Variants in SLC4A4 observed in about 807,000 individuals in gnomAD.
The protein encoded by SLC4A4 is electrogenic sodium bicarbonate cotransporter 1.
SLC4A4 carries 27 observed loss-of-function variants against 111.5 expected under a neutral mutation model. That is an observed-to-expected ratio of 0.24 (90% CI 0.18 to 0.33). SLC4A4 has a LOEUF of 0.33. SLC4A4 is among the 10% of genes least tolerant of loss of function. The probability of loss-of-function intolerance (pLI) is 1.00; values close to 1 mark genes in which losing one functional copy is unlikely to be tolerated. For missense variants in SLC4A4, 909 were observed against 1,315.5 expected (o/e 0.69, Z 4.78); for synonymous variants, 443 against 463.4 (o/e 0.96, Z 0.57).
At chr4:71,555,681 G>A (rs1736407370) in intron 21 of SLC4A4, among the ~76,000 whole-genome samples, 1 of 152,046 alleles carries the variant, frequency 6.6e-6, no homozygotes, top group Non-Finnish European at 1.5e-5. Context: ...TGTGGTTGAT[G>A]TATTGCTTTT....
intron 1 of SLC4A4, among the ~76,000 whole-genome samples, chr4:71,079,583 C>T (rs1047390523): frequency 1.3e-5 from 2 of 152,082 alleles, no homozygotes; most frequent in East Asian, 3.9e-4. Context: ...TGACAACAGC[C>T]TGGGCAACAT....
chr4:71,562,714 C>T (rs995333127), intron 23 of SLC4A4, among the ~76,000 whole-genome samples: 45 of 151,664 alleles, frequency 3.0e-4, no homozygotes, highest in African/African-American at 1.1e-3. Context: ...ATTTGCCAGT[C>T]TGTGTCTTTT....
At chr4:71,145,189 G>T (rs1443294527) in intron 2 of SLC4A4, among the ~76,000 whole-genome samples, 1 of 152,116 alleles carries the variant, frequency 6.6e-6, no homozygotes, top group Non-Finnish European at 1.5e-5. Flanking sequence ...GGCCTTTTCT[G>T]CATCTATTGA....
chr4:71,324,731 C>T (rs999128011), intron 3 of SLC4A4, among the ~76,000 whole-genome samples: 1 of 151,914 alleles, frequency 6.6e-6, no homozygotes, highest in Non-Finnish European at 1.5e-5. Context: ...ATCCATGTAA[C>T]GTTTTTGTAA....
intron 2 of SLC4A4, among the ~76,000 whole-genome samples, chr4:71,133,930 C>G (rs921225521): frequency 3.9e-5 from 6 of 152,114 alleles, no homozygotes; most frequent in African/African-American, 1.4e-4. Context: ...GCTGGCACAA[C>G]CATTGATTTC....
intron 8 of SLC4A4, among the ~76,000 whole-genome samples, chr4:71,443,122 A>C (rs866739713): frequency 0.25 from 16,332 of 64,582 alleles, 1,280 homozygotes; most frequent in East Asian, 0.35. Context: ...CTCTCTATAT[A>C]TATATATATA....
At chr4:71,546,895 G>A (rs1394580201) in intron 19 of SLC4A4, among the ~76,000 whole-genome samples, 1 of 151,924 alleles carries the variant, frequency 6.6e-6, no homozygotes, top group East Asian at 1.9e-4. Context: ...TCTGTAATGG[G>A]AAAGGTATTC....
In SLC4A4 at chr4:71,292,014, C is replaced by A. The variant is rs543927343; in HGVS notation, c.253+36615C>A. 2.6e-5 allele frequency among the ~76,000 whole-genome samples: 4 copies of A among 151,842 alleles called. No homozygotes were observed. The East Asian group carries it at 5.8e-4, about 22-fold the overall frequency. On this transcript the variant is annotated intron_variant, in intron 3 of 25. Coordinates refer to ENST00000264485, the MANE Select transcript of SLC4A4 (RefSeq NM_001098484.3). ...ATCCTTTCTTTGTGTTACAAACAAT[C>A]CAGTCATACTCTTTTAGTTATTTTA...
intron 7 of SLC4A4, among the ~76,000 whole-genome samples, chr4:71,417,200 C>T (rs993058415): frequency 5.9e-5 from 9 of 152,192 alleles, no homozygotes; most frequent in Admixed American, 1.3e-4. Flanking sequence ...TTGAATGATA[C>T]ATGGTTTCTT....
chr4:71,449,434 A>C (rs1467836750), intron 9 of SLC4A4, among the ~76,000 whole-genome samples: 1 of 152,204 alleles, frequency 6.6e-6, no homozygotes, highest in Non-Finnish European at 1.5e-5. Flanking sequence ...AAACAGCAAG[A>C]GAAAGAAAAT....
At chr4:71,155,088 GT>G (rs1241788948) in intron 2 of SLC4A4, among the ~76,000 whole-genome samples, 47 of 410 alleles carry the variant, frequency 0.11, no homozygotes, top group Non-Finnish European at 0.18. Context: ...ATTATGGGGT[GT>G]GTGTGTGTGT....
intron 3 of SLC4A4, among the ~76,000 whole-genome samples, chr4:71,278,475 C>CT (rs1723246426): frequency 1.3e-5 from 2 of 152,182 alleles, no homozygotes; most frequent in Admixed American, 1.3e-4. Flanking sequence ...AGTGGGATTG[C>CT]TGGATCCTAT....
At chr4:71,084,397 T>C (rs1299613297) in intron 1 of SLC4A4, among the ~76,000 whole-genome samples, 2 of 152,028 alleles carry the variant, frequency 1.3e-5, no homozygotes, top group Non-Finnish European at 2.9e-5. Flanking sequence ...TTTTTTAAAT[T>C]GTATTTTATT....
At position 71,417,151 on chromosome 4, in the gene SLC4A4, T is replaced by C. The variant is rs143824567; in HGVS notation, c.807+19498T>C. Among the ~76,000 whole-genome samples the C allele has an allele frequency of 1.6e-4, 24 of 152,344 alleles. No individual in the cohort carries two copies. The East Asian group carries it at 4.6e-3, about 29-fold the overall frequency. ...TAACAAACATTTATGGAATGCTTAT[T>C]GCAAGGCCTTGGCTTTGTAAGGTAC... On this transcript the variant is annotated intron_variant, in intron 7 of 25. Transcript: ENST00000264485.
rs1744176436 is a variant in SLC4A4, at chr4:71,146,526, C to G, written c.-2+53734C>G. ...CTTGTTAACTTTCTGTCTCGTTCAC[C>G]TGTCTAATGTGGACAGTGGGGTGTT... On this transcript the variant is annotated intron_variant, in intron 2 of 26. Transcript: ENST00000649996. 2.6e-5 allele frequency among the ~76,000 whole-genome samples: 4 copies of G among 152,116 alleles called. No homozygotes were observed. The South Asian group carries it at 8.3e-4, about 31-fold the overall frequency.
chr4:71,487,134 AC>A, intron 15 of SLC4A4, 116 bp downstream of exon 15: 1 of 649,036 alleles, frequency 1.5e-6, no homozygotes, highest in Non-Finnish European at 2.8e-6. Context: ...ATGAACACAT[AC>A]GTAACAATTA....
At chr4:71,125,024 G>T (rs987055733) in intron 2 of SLC4A4, among the ~76,000 whole-genome samples, 5 of 152,212 alleles carry the variant, frequency 3.3e-5, no homozygotes, top group Non-Finnish European at 7.3e-5. Context: ...TGGAATTAAT[G>T]ATTAGAGTTC....
intron 1 of SLC4A4, among the ~76,000 whole-genome samples, chr4:71,072,460 T>G (rs1486921716): frequency 1.3e-5 from 2 of 152,180 alleles, no homozygotes; most frequent in Admixed American, 6.5e-5. Context: ...AGTACCACAC[T>G]ATTCTAATTA....
At chr4:71,303,731 T>C (rs1725454820) in intron 3 of SLC4A4, among the ~76,000 whole-genome samples, 1 of 151,076 alleles carries the variant, frequency 6.6e-6, no homozygotes, top group South Asian at 2.1e-4. Context: ...CTCTTTTTCT[T>C]CCCTTCGTCT....
Sources: allele counts gnomAD v4.1 joint callset (sites outside exome capture counted in the v4.1 genomes callset), GRCh38; gene constraint gnomAD v4.1.1; transcripts MANE v1.5; gene names NCBI Gene and HGNC (gene_info 2026-07-23, HGNC 2026-07-21).